Variants in MACO1 observed in about 807,000 individuals in gnomAD.
MACO1 encodes the protein macoilin 1, also known as macoilin.
A neutral mutation model predicts 78.7 loss-of-function variants in MACO1; 14 were observed. The ratio of observed to expected loss-of-function variants is 0.18; its 90% CI spans 0.12 to 0.28. The LOEUF (loss-of-function observed/expected upper bound fraction) is 0.28. MACO1 is among the 10% of genes least tolerant of loss of function. The pLI is 1.00. For missense variants in MACO1, 501 were observed against 799.0 expected, an observed-to-expected ratio of 0.63 and a Z score of 4.50; for synonymous variants, 288 against 291.6, an observed-to-expected ratio of 0.99 and a Z score of 0.12.
At chr1:25,472,094 T>G (rs990467383) in intron 6 of MACO1, among the ~76,000 whole-genome samples, 1 of 152,156 alleles carries the variant, frequency 6.6e-6, no homozygotes, top group Non-Finnish European at 1.5e-5. Context: ...CCTTGTCTTA[T>G]TCATCTTTTC....
chr1:25,433,194 T>C (rs2042890670), intron 1 of MACO1, among the ~76,000 whole-genome samples: 1 of 152,222 alleles, frequency 6.6e-6, no homozygotes, highest in Non-Finnish European at 1.5e-5. Context: ...GAGTATCATA[T>C]ATCAAATGAG....
chr1:25,480,638 T>C lies in MACO1; in HGVS notation c.1155-3478T>C, dbSNP rs2043363662. ...TATATAAGCTTCACATTAAAAAATA[T>C]ATTGTTGGCTGGGCACGGTGGCTCA... On this transcript the variant is annotated intron_variant, in intron 6 of 10. Coordinates refer to ENST00000374343, the MANE Select transcript of MACO1 (RefSeq NM_018202.6). Among the ~76,000 whole-genome samples, 4 of 152,132 alleles carry C rather than the reference T, an allele frequency of 2.6e-5. No individual in the cohort carries two copies. The South Asian group carries it at 8.3e-4, about 32-fold the overall frequency.
intron 6 of MACO1, among the ~76,000 whole-genome samples, chr1:25,468,251 C>G (rs2043236455): frequency 6.6e-6 from 1 of 152,200 alleles, no homozygotes; most frequent in African/African-American, 2.4e-5. Flanking sequence ...GACTTCAACT[C>G]TGGTTAGGGC....
intron 1 of MACO1, among the ~76,000 whole-genome samples, chr1:25,440,855 A>T (rs1371010211): frequency 2.0e-5 from 3 of 152,064 alleles, no homozygotes. Flanking sequence ...ATAGCTCTTT[A>T]GTGTCTGGCT....
At chr1:25,494,181 G>A (rs75524240) in intron 10 of MACO1, among the ~76,000 whole-genome samples, 215 of 152,324 alleles carry the variant, frequency 1.4e-3, no homozygotes, top group Non-Finnish European at 2.7e-3. Context: ...TTTTGAGCCT[G>A]TGGACCCTGA....
intron 6 of MACO1, among the ~76,000 whole-genome samples, chr1:25,467,621 C>T (rs778612547): frequency 6.6e-6 from 1 of 151,912 alleles, no homozygotes; most frequent in Admixed American, 6.6e-5. Context: ...TGGTATCAAC[C>T]CTTTAAAGTA....
Position 25,456,792 on chromosome 1 carries a change from C to G in MACO1, c.613C>G (p.Gln205Glu). The G allele has an allele frequency of 6.2e-7, 1 of 1,613,666 alleles. No homozygotes were observed. Residue 205 changes from glutamine to glutamate, a missense_variant, in exon 5 of 11, where the codon CAA becomes GAA. Gln to Glu is a conservative substitution (Grantham distance 29). Around this residue, in one of 5 missense-constraint regions of MACO1, gnomAD observed 171 missense variants for 292.1 expected, o/e 0.59. Transcript: ENST00000374343. ...TCTTCAACAAGCTCTCCCTCCAGAGCAACAGATGCTACAGAAGCAAGAAAA... is the reference window on the plus strand; with the variant it reads ...TCTTCAACAAGCTCTCCCTCCAGAGGAACAGATGCTACAGAAGCAAGAAAA... ...QLLQQALPPE[Q>E]QMLQKQEKEA... is the part of the protein sequence containing the mutation.
At chr1:25,472,974 C>G (rs1275843986) in intron 6 of MACO1, among the ~76,000 whole-genome samples, 1 of 152,096 alleles carries the variant, frequency 6.6e-6, no homozygotes, top group African/African-American at 2.4e-5. Context: ...AATATGTTGG[C>G]TATAGCTGCT....
chr1:25,447,264 T>C (rs2043024628), intron 2 of MACO1, among the ~76,000 whole-genome samples: 1 of 152,112 alleles, frequency 6.6e-6, no homozygotes, highest in East Asian at 1.9e-4. Context: ...CTGGGTTCCC[T>C]GTTGCTAGGT....
At position 25,498,604 on chromosome 1, in the gene MACO1, A is replaced by G. The variant is rs945782432; in HGVS notation, c.*138A>G. On this transcript the variant is annotated 3_prime_UTR_variant, in exon 11 of 11. Transcript: ENST00000374343. Reference sequence around the variant, plus strand: ...CTGTTGTCATTTTTAAAAAGGGGGGAAAAGATAACATCCAAGTCTGATTAG... The same window carrying G: ...CTGTTGTCATTTTTAAAAAGGGGGGGAAAGATAACATCCAAGTCTGATTAG... The G allele has an allele frequency of 1.5e-5, 12 of 789,218 alleles. No individual in the cohort carries two copies. Among genetic ancestry groups the G allele is most frequent in the Non-Finnish European group, 2.0e-5 (10 of 507,194 alleles). 48.9% of individuals were successfully genotyped at this position (789,218 alleles called of 1,614,324 possible). A position where few individuals can be genotyped will look rare whatever the true frequency, so the allele number is the denominator to read the frequency against.
At chr1:25,467,818 A>G (rs1054030143) in intron 6 of MACO1, among the ~76,000 whole-genome samples, 9 of 151,276 alleles carry the variant, frequency 5.9e-5, no homozygotes, top group African/African-American at 2.2e-4. Flanking sequence ...CATTTTTATC[A>G]ATGAAGTAAA....
chr1:25,496,936 G>A (rs1162227440), intron 10 of MACO1, among the ~76,000 whole-genome samples: 1 of 152,168 alleles, frequency 6.6e-6, no homozygotes, highest in East Asian at 1.9e-4. Flanking sequence ...TCTATAAAAT[G>A]GATAATAATA....
Position 25,454,466 on chromosome 1 carries a change from G to GTATATATATATATA in MACO1, c.473+85_473+86insATATATATATATAT, listed in dbSNP as rs1182318467. 9.5e-3 allele frequency: 1,656 copies of GTATATATATATATA among 173,694 alleles called. 46 individuals carry two copies. The highest frequency in any genetic ancestry group is 0.044 in the East Asian group (170 of 3,838). The allele number at this position is 173,694 out of a possible 1,614,324, so 10.8% of individuals were successfully genotyped here. A position where few individuals can be genotyped will look rare whatever the true frequency, so the allele number is the denominator to read the frequency against. ...TGTGTGTGTGTGTGTGTGTGTGTGT[G>GTATATATATATATA]TGTGTATATATATATATATATATTT... is the stretch of plus-strand genomic sequence containing the variant. On this transcript the variant is annotated intron_variant, in intron 4 of 10. Transcript: ENST00000374343.
At chr1:25,464,151 G>A (rs532373594) in intron 6 of MACO1, among the ~76,000 whole-genome samples, 5 of 151,988 alleles carry the variant, frequency 3.3e-5, no homozygotes, top group Non-Finnish European at 5.9e-5. Flanking sequence ...TCTGTGCTCC[G>A]TCCATCCATC....
chr1:25,467,188 G>A (rs2043227019), intron 6 of MACO1, among the ~76,000 whole-genome samples: 1 of 152,122 alleles, frequency 6.6e-6, no homozygotes, highest in African/African-American at 2.4e-5. Flanking sequence ...AACCCAAGCA[G>A]CAGAGGTTGC....
intron 1 of MACO1, among the ~76,000 whole-genome samples, chr1:25,437,445 C>T (rs1472731071): frequency 6.6e-6 from 1 of 151,970 alleles, no homozygotes; most frequent in Non-Finnish European, 1.5e-5. Flanking sequence ...GCATGAGCCA[C>T]CGCACCCACC....
chr1:25,451,100 A>G (rs1343391579), intron 3 of MACO1, among the ~76,000 whole-genome samples: 2 of 147,670 alleles, frequency 1.4e-5, no homozygotes, highest in Non-Finnish European at 2.9e-5. Context: ...AGGCTCAGAA[A>G]TGCATATTGG....
intron 10 of MACO1, among the ~76,000 whole-genome samples, chr1:25,495,545 C>T (rs2043528006): frequency 6.6e-6 from 1 of 152,164 alleles, no homozygotes; most frequent in Admixed American, 6.5e-5. Context: ...CTGCCTTCCC[C>T]ACTCCCTCCC....
chr1:25,437,746 C>G (rs541329943), intron 1 of MACO1, among the ~76,000 whole-genome samples: 1 of 152,008 alleles, frequency 6.6e-6, no homozygotes, highest in Non-Finnish European at 1.5e-5. Context: ...ATAGCGAGAC[C>G]TCATCTCTAC....
Sources: gnomAD v4.1 joint callset for allele counts (sites outside exome capture counted in the v4.1 genomes callset) on GRCh38, gnomAD v4.1.1 for gene constraint, gnomAD v4.1.1 regional missense constraint, MANE v1.5 for transcripts, NCBI Gene and HGNC (gene_info 2026-07-23, HGNC 2026-07-21) for gene names.